Variants in ATP6V1H observed in about 807,000 individuals in gnomAD.
ATP6V1H encodes ATPase H+ transporting V1 subunit H, also known as V-type proton ATPase subunit H.
Under a neutral mutation model 71.7 loss-of-function variants are expected in ATP6V1H, and 39 were observed. The observed-to-expected ratio is 0.54, with a 90% CI of 0.42 to 0.71. The LOEUF is 0.71. Among genes scored for constraint, ATP6V1H ranks in the 30% least tolerant of loss-of-function variants. The probability of loss-of-function intolerance (pLI) is 0.00; values close to 1 mark genes in which losing one functional copy is unlikely to be tolerated. For synonymous variants in ATP6V1H, 192 were observed against 199.3 expected (o/e 0.96, Z 0.31); for missense variants, 509 against 594.9 (o/e 0.86, Z 1.50).
chr8:53,751,529 C>T (rs747840342), intron 12 of ATP6V1H, among the ~76,000 whole-genome samples: 2 of 152,106 alleles, frequency 1.3e-5, no homozygotes, highest in Admixed American at 6.5e-5. Flanking sequence ...CAGAAGTGCA[C>T]GACTTTTTTT....
chr8:53,819,596 C>A (rs1810572505), intron 4 of ATP6V1H, among the ~76,000 whole-genome samples: 1 of 118,270 alleles, frequency 8.5e-6, no homozygotes, highest in Non-Finnish European at 1.8e-5. Context: ...AAAATACACA[C>A]ACATACACAC....
At chr8:53,737,324 TAATTAGAGAC>T (rs1415250953) in intron 13 of ATP6V1H, among the ~76,000 whole-genome samples, 2 of 152,304 alleles carry the variant, frequency 1.3e-5, no homozygotes, top group East Asian at 3.9e-4. Flanking sequence ...TTCCTGTCTG[TAATTAGAGAC>T]AATTACAGAG....
chr8:53,774,483 A>G (rs1002291476), intron 9 of ATP6V1H, among the ~76,000 whole-genome samples: 1 of 152,206 alleles, frequency 6.6e-6, no homozygotes, highest in South Asian at 2.1e-4. Flanking sequence ...AATTTCTATC[A>G]TGTTACTATT....
intron 11 of ATP6V1H, among the ~76,000 whole-genome samples, chr8:53,758,729 C>A (rs1268830108): frequency 1.3e-5 from 2 of 152,218 alleles, no homozygotes; most frequent in Non-Finnish European, 2.9e-5. Context: ...ATTCTGAATA[C>A]ATCAAACCAG....
At chr8:53,780,996 A>G (rs1442687919) in intron 9 of ATP6V1H, among the ~76,000 whole-genome samples, 1 of 152,202 alleles carries the variant, frequency 6.6e-6, no homozygotes, top group African/African-American at 2.4e-5. Context: ...AGCTGCAATA[A>G]ACATACGTGT....
At chr8:53,819,751 A>G (rs2130490280) in intron 4 of ATP6V1H, among the ~76,000 whole-genome samples, 1 of 144,392 alleles carries the variant, frequency 6.9e-6, no homozygotes, top group Non-Finnish European at 1.5e-5. Context: ...GTGTGTGTAT[A>G]TATACACACA....
At chr8:53,790,983 T>C (rs986804798) in intron 9 of ATP6V1H, among the ~76,000 whole-genome samples, 2 of 152,142 alleles carry the variant, frequency 1.3e-5, no homozygotes, top group Non-Finnish European at 2.9e-5. Context: ...TCAAACTAGC[T>C]CTATTTTTGC....
intron 13 of ATP6V1H, among the ~76,000 whole-genome samples, chr8:53,723,633 G>C (rs746514358): frequency 6.6e-6 from 1 of 152,146 alleles, no homozygotes; most frequent in African/African-American, 2.4e-5. Flanking sequence ...TAATTCCCCT[G>C]CTGGGTGAGG....
chr8:53,789,651 C>CTTCT (rs1809507719), intron 9 of ATP6V1H, among the ~76,000 whole-genome samples: 1 of 152,092 alleles, frequency 6.6e-6, no homozygotes, highest in East Asian at 1.9e-4. Flanking sequence ...AAGACCCTGA[C>CTTCT]TTCTATTACA....
At chr8:53,800,916 T>C (rs1312914386) in intron 8 of ATP6V1H, among the ~76,000 whole-genome samples, 1 of 152,190 alleles carries the variant, frequency 6.6e-6, no homozygotes, top group Non-Finnish European at 1.5e-5. Context: ...CCTGGCAAAC[T>C]GAGGATTAAA....
At chr8:53,823,153 G>C (rs1227412999) in intron 4 of ATP6V1H, among the ~76,000 whole-genome samples, 1 of 151,920 alleles carries the variant, frequency 6.6e-6, no homozygotes, top group Non-Finnish European at 1.5e-5. Flanking sequence ...AAGTAGATCT[G>C]ATAAATATAA....
intron 11 of ATP6V1H, among the ~76,000 whole-genome samples, chr8:53,760,013 C>T (rs1808211780): frequency 6.6e-6 from 1 of 152,208 alleles, no homozygotes; most frequent in Non-Finnish European, 1.5e-5. Context: ...TGTCATTCAT[C>T]TCATGCATAT....
chr8:53,719,391 G>C (rs769317939), intron 13 of ATP6V1H, among the ~76,000 whole-genome samples: 12 of 152,062 alleles, frequency 7.9e-5, no homozygotes, highest in Admixed American at 4.6e-4. Flanking sequence ...GGCTGGTCTC[G>C]AACTCCTGAC....
chr8:53,735,915 G>A (rs1334792796), intron 13 of ATP6V1H, among the ~76,000 whole-genome samples: 2 of 152,188 alleles, frequency 1.3e-5, no homozygotes, highest in East Asian at 3.9e-4. Flanking sequence ...CAGGACAAGT[G>A]AACCAGCCAG....
intron 10 of ATP6V1H, 87 bp from the exon 11 acceptor site, chr8:53,769,830 TTTAA>T: frequency 8.3e-7 from 1 of 1,198,212 alleles, no homozygotes. Flanking sequence ...TCACTTATTA[TTTAA>T]TTACAAAGAC....
intron 13 of ATP6V1H, among the ~76,000 whole-genome samples, chr8:53,718,189 A>C (rs1370752391): frequency 6.6e-6 from 1 of 152,158 alleles, no homozygotes; most frequent in African/African-American, 2.4e-5. Flanking sequence ...CAAGTGGTGA[A>C]GATAATTGAT....
At chr8:53,814,128 G>A (rs1332168358) in intron 6 of ATP6V1H, among the ~76,000 whole-genome samples, 1 of 152,128 alleles carries the variant, frequency 6.6e-6, no homozygotes, top group Non-Finnish European at 1.5e-5. Flanking sequence ...AGACAGCTTA[G>A]CCTGGTTATG....
chr8:53,772,587 A>G (rs1808704122), intron 9 of ATP6V1H, among the ~76,000 whole-genome samples: 2 of 152,024 alleles, frequency 1.3e-5, no homozygotes, highest in African/African-American at 4.8e-5. Context: ...GTCTGTCACC[A>G]TTTTCCCCCA....
At chr8:53,764,285 A>G (rs1279415466) in intron 11 of ATP6V1H, among the ~76,000 whole-genome samples, 1 of 152,210 alleles carries the variant, frequency 6.6e-6, no homozygotes, top group Non-Finnish European at 1.5e-5. Flanking sequence ...CTCAACAAAA[A>G]TATTGGCAAA....
Sources: gnomAD v4.1 joint callset for allele counts (sites outside exome capture counted in the v4.1 genomes callset) on GRCh38, gnomAD v4.1.1 for gene constraint, MANE v1.5 for transcripts, NCBI Gene and HGNC (gene_info 2026-07-23, HGNC 2026-07-21) for gene names.